The following ATP13A4 variants were observed in gnomAD, a reference collection of about 807,000 sequenced individuals.
ATP13A4 encodes probable cation-transporting ATPase 13A4.
Under a neutral mutation model 142.5 loss-of-function variants are expected in ATP13A4, and 114 were observed. The ratio of observed to expected loss-of-function variants is 0.80; its 90% CI spans 0.69 to 0.93. The LOEUF (loss-of-function observed/expected upper bound fraction) is 0.93, where lower values mean the gene tolerates loss of function less well. ATP13A4 is among the 40% of genes least tolerant of loss of function. The pLI, the probability that ATP13A4 is intolerant of heterozygous loss-of-function variation, is 0.00. For synonymous variants in ATP13A4, 488 were observed against 514.8 expected (o/e 0.95, Z 0.70); for missense variants, 1,392 against 1,454.0 (o/e 0.96, Z 0.69).
chr3:193,503,431 A>C (rs566063632), intron 2 of ATP13A4, among the ~76,000 whole-genome samples: 4 of 152,334 alleles, frequency 2.6e-5, no homozygotes, highest in African/African-American at 9.6e-5. Flanking sequence ...CCTATTTGAC[A>C]GTGGTTATTG....
intron 5 of ATP13A4, among the ~76,000 whole-genome samples, chr3:193,492,253 G>T (rs769652143): frequency 7.2e-5 from 11 of 152,148 alleles, no homozygotes; most frequent in Non-Finnish European, 1.3e-4. Context: ...GAAGGGGGAA[G>T]CATGTGAATC....
At chr3:193,541,646 AGTATCC>A (rs1189528246) in intron 1 of ATP13A4, among the ~76,000 whole-genome samples, 1 of 152,152 alleles carries the variant, frequency 6.6e-6, no homozygotes, top group Non-Finnish European at 1.5e-5. Flanking sequence ...TCCAAGTAAC[AGTATCC>A]AATACCCCAA....
intron 2 of ATP13A4, among the ~76,000 whole-genome samples, chr3:193,570,454 T>C (rs1243314525): frequency 1.3e-5 from 2 of 152,228 alleles, no homozygotes; most frequent in African/African-American, 2.4e-5. Context: ...ATTAGAACCA[T>C]GTATGACATG....
At chr3:193,437,563 C>A (rs887531107) in intron 23 of ATP13A4, among the ~76,000 whole-genome samples, 6 of 152,100 alleles carry the variant, frequency 3.9e-5, no homozygotes, top group African/African-American at 1.4e-4. Flanking sequence ...AGCTTGGGCA[C>A]ATCAATTAAA....
chr3:193,533,164 G>C (rs1172977797), intron 1 of ATP13A4, among the ~76,000 whole-genome samples: 4 of 152,094 alleles, frequency 2.6e-5, no homozygotes, highest in Non-Finnish European at 5.9e-5. Context: ...AAGATTGCTT[G>C]AGGCCAAGAG....
At chr3:193,584,622 T>C (rs888746830) in intron 1 of ATP13A4, among the ~76,000 whole-genome samples, 1 of 112,632 alleles carries the variant, frequency 8.9e-6, no homozygotes, top group East Asian at 2.3e-4. Context: ...TCTATTTTTT[T>C]TTTTAACAAA....
chr3:193,510,334 C>T (rs934924577), intron 2 of ATP13A4, among the ~76,000 whole-genome samples: 13 of 152,262 alleles, frequency 8.5e-5, no homozygotes, highest in East Asian at 7.7e-4. Flanking sequence ...AAACATCAAA[C>T]GGAAGTGCCT....
chr3:193,472,325 T>C (rs118085179), intron 8 of ATP13A4, among the ~76,000 whole-genome samples: 1 of 152,290 alleles, frequency 6.6e-6, no homozygotes, highest in East Asian at 1.9e-4. Context: ...CTTTATACAC[T>C]CCCTGCTTGT....
intron 8 of ATP13A4, among the ~76,000 whole-genome samples, chr3:193,473,738 C>A (rs571979733): frequency 6.6e-6 from 1 of 152,196 alleles, no homozygotes; most frequent in African/African-American, 2.4e-5. Flanking sequence ...AAATGCATAA[C>A]CTGAATTTAA....
chr3:193,547,528 G>A (rs1251548394), intron 1 of ATP13A4, among the ~76,000 whole-genome samples: 1 of 152,162 alleles, frequency 6.6e-6, no homozygotes, highest in Non-Finnish European at 1.5e-5. Flanking sequence ...GCCTTATAAA[G>A]TTCTTCAAAA....
At chr3:193,567,836 C>A (rs763543989) in intron 2 of ATP13A4, among the ~76,000 whole-genome samples, 6 of 152,224 alleles carry the variant, frequency 3.9e-5, no homozygotes, top group Non-Finnish European at 8.8e-5. Flanking sequence ...CTGTTTAAAG[C>A]CTGCCTGGAG....
At chr3:193,496,047 A>G (rs1226897524) in intron 3 of ATP13A4, among the ~76,000 whole-genome samples, 2 of 152,240 alleles carry the variant, frequency 1.3e-5, no homozygotes, top group Non-Finnish European at 2.9e-5. Context: ...GAAATCTACA[A>G]AACATTATTG....
rs73198958 is a variant in ATP13A4, at chr3:193,430,641, A to C, written c.2842+3204T>G. On this transcript the variant is annotated intron_variant, in intron 25 of 29. Transcript: ENST00000342695. ...TAAAGATCCAAGGGGAGAGTATTTT[A>C]GGCAAAAGGAATAGCCAATGCAAGG... 7.3e-5 allele frequency among the ~76,000 whole-genome samples: 11 copies of C among 151,452 alleles called. No individual in the cohort carries two copies. The South Asian group carries it at 1.0e-3, about 14-fold the overall frequency.
chr3:193,526,922 T>A (rs1055324069), intron 1 of ATP13A4, among the ~76,000 whole-genome samples: 1 of 152,138 alleles, frequency 6.6e-6, no homozygotes, highest in African/African-American at 2.4e-5. Context: ...CATATAATTT[T>A]TGCACATTTT....
At chr3:193,583,122 C>A (rs1032399633) in intron 1 of ATP13A4, among the ~76,000 whole-genome samples, 1 of 150,812 alleles carries the variant, frequency 6.6e-6, no homozygotes, top group Non-Finnish European at 1.5e-5. Context: ...ATGGTCAATA[C>A]GTACTTTACT....
rs534330995 is a variant in ATP13A4 at position 193,499,801 on chromosome 3, C to T, written c.381+2692G>A. Among the ~76,000 whole-genome samples, 50 of 152,244 alleles carry T rather than the reference C, an allele frequency of 3.3e-4. No individual in the cohort carries two copies. The South Asian group carries it at 8.9e-3, about 27-fold the overall frequency. Reference sequence around the variant, plus strand: ...AGTTCGAGAACCTCTTATCAAGAGGCAGAAACCACACACTGAGGTTGAAAA... The same window carrying T: ...AGTTCGAGAACCTCTTATCAAGAGGTAGAAACCACACACTGAGGTTGAAAA... On this transcript the variant is annotated intron_variant, in intron 3 of 29. Coordinates refer to ENST00000342695, the MANE Select transcript of ATP13A4 (RefSeq NM_032279.4).
intron 25 of ATP13A4, among the ~76,000 whole-genome samples, chr3:193,426,100 G>A (rs2108612539): frequency 6.6e-6 from 1 of 151,702 alleles, no homozygotes; most frequent in East Asian, 1.9e-4. Context: ...CTGATGACAA[G>A]AGCCTACATA....
At chr3:193,468,655 G>A (rs144130655) in intron 9 of ATP13A4, among the ~76,000 whole-genome samples, 2 of 152,182 alleles carry the variant, frequency 1.3e-5, no homozygotes, top group African/African-American at 2.4e-5. Flanking sequence ...GCTGAAGCAC[G>A]AGAATCACTT....
intron 1 of ATP13A4, among the ~76,000 whole-genome samples, chr3:193,533,501 C>G (rs748272442): frequency 5.3e-5 from 8 of 152,194 alleles, no homozygotes; most frequent in Admixed American, 2.0e-4. Flanking sequence ...AATTTTTGTT[C>G]TGTTTCATAT....
Sources: allele counts gnomAD v4.1 joint callset (sites outside exome capture counted in the v4.1 genomes callset), GRCh38; gene constraint gnomAD v4.1.1; transcripts MANE v1.5; gene names NCBI Gene and HGNC (gene_info 2026-07-23, HGNC 2026-07-21).